CCDC171: variants seen among roughly 807,000 people sequenced by gnomAD.
CCDC171 encodes coiled-coil domain containing 171, also known as coiled-coil domain-containing protein 171.
In CCDC171, 177 loss-of-function variants were observed where a neutral mutation model predicts 168.2. The ratio of observed to expected loss-of-function variants is 1.05; its 90% CI spans 0.93 to 1.19. The LOEUF (loss-of-function observed/expected upper bound fraction) is 1.19. Among genes scored for constraint, CCDC171 ranks in the 50% most tolerant of loss-of-function variants. CCDC171 has a pLI of 0.00. For synonymous variants in CCDC171, 687 were observed against 540.8 expected (o/e 1.27, Z -3.75); for missense variants, 1,991 against 1,539.0 (o/e 1.29, Z -4.91).
intron 24 of CCDC171, among the ~76,000 whole-genome samples, chr9:15,896,034 C>A (rs992993882): frequency 8.6e-5 from 13 of 151,898 alleles, no homozygotes; most frequent in Admixed American, 2.6e-4. Flanking sequence ...ATTTTGATGA[C>A]CTCTTTTCCA....
chr9:16,058,799 A>T (rs1471142029), intron 1 of CCDC171, among the ~76,000 whole-genome samples: 2 of 152,238 alleles, frequency 1.3e-5, no homozygotes, highest in African/African-American at 2.4e-5. Context: ...ATTTCCCTCA[A>T]GTAATGAGAA....
chr9:15,960,738 C>T (rs548801675), intron 25 of CCDC171, among the ~76,000 whole-genome samples: 2 of 152,184 alleles, frequency 1.3e-5, no homozygotes, highest in African/African-American at 4.8e-5. Context: ...CAGATATGAC[C>T]CCCAGATCAC....
At chr9:15,626,668 T>C (rs1027455376) in intron 7 of CCDC171, among the ~76,000 whole-genome samples, 4 of 152,196 alleles carry the variant, frequency 2.6e-5, no homozygotes, top group Non-Finnish European at 5.9e-5. Context: ...TGAAGCCCAC[T>C]TGATCATGGT....
chr9:15,636,430 C>G (rs538526770), intron 7 of CCDC171, among the ~76,000 whole-genome samples: 2 of 152,086 alleles, frequency 1.3e-5, no homozygotes, highest in East Asian at 1.9e-4. Flanking sequence ...ATTTTTAATA[C>G]TATGGTTTGT....
chr9:15,895,538 G>C (rs1820790519), intron 24 of CCDC171, among the ~76,000 whole-genome samples: 1 of 152,156 alleles, frequency 6.6e-6, no homozygotes, highest in South Asian at 2.1e-4. Context: ...ACCATACTCT[G>C]TCTTATCTAT....
At chr9:15,829,648 G>A (rs2060149610) in intron 21 of CCDC171, among the ~76,000 whole-genome samples, 1 of 152,144 alleles carries the variant, frequency 6.6e-6, no homozygotes, top group Non-Finnish European at 1.5e-5. Flanking sequence ...GGCTGGGCAT[G>A]GTGGCTCACA....
In CCDC171 at chr9:15,973,987, A is replaced by G. The variant is rs1831547062; in HGVS notation, c.*2151A>G. Reference sequence around the variant, plus strand: ...GCCTTGGTCTTCTTGCCTTGATTTTATAATCTGTTAATGGGATAACTCCAA... The same window carrying G: ...GCCTTGGTCTTCTTGCCTTGATTTTGTAATCTGTTAATGGGATAACTCCAA... On this transcript the variant is annotated 3_prime_UTR_variant, in exon 26 of 26. Coordinates refer to ENST00000380701, the MANE Select transcript of CCDC171 (RefSeq NM_173550.4). The G allele has an allele frequency of 6.6e-6, 1 of 152,146 alleles. No homozygotes were observed. Among genetic ancestry groups the G allele is most frequent in the African/African-American group, 2.4e-5 (1 of 41,428 alleles). 9.4% of individuals were successfully genotyped at this position (152,146 alleles called of 1,614,324 possible).
chr9:15,656,408 G>A (rs1311769114), intron 7 of CCDC171, among the ~76,000 whole-genome samples: 1 of 151,878 alleles, frequency 6.6e-6, no homozygotes, highest in Non-Finnish European at 1.5e-5. Flanking sequence ...AAATGAAAGT[G>A]TGTGTCTCTA....
intron 12 of CCDC171, among the ~76,000 whole-genome samples, chr9:15,722,568 A>C (rs2053552486): frequency 6.6e-6 from 1 of 152,266 alleles, no homozygotes; most frequent in South Asian, 2.1e-4. Flanking sequence ...AATTACATTA[A>C]ATACAATTAG....
rs764229341 is a variant in CCDC171, at chr9:15,800,662, C to T, written c.3267+15968C>T. Among the ~76,000 whole-genome samples, 18 of 151,820 alleles carry T rather than the reference C, an allele frequency of 1.2e-4. No individual in the cohort carries two copies. In the South Asian group the frequency reaches 1.7e-3, roughly 14 times the overall value. ...TTTTCTTTGGTTATCTGTGCTTGTG[C>T]GATATTTCTTAAGAATTTTTTGCCC... On this transcript the variant is annotated intron_variant, in intron 21 of 25. Transcript: ENST00000380701.
chr9:15,845,483 C>T (rs1383759658), intron 21 of CCDC171, among the ~76,000 whole-genome samples: 1 of 152,038 alleles, frequency 6.6e-6, no homozygotes, highest in Admixed American at 6.6e-5. Context: ...TGCAGTTCAC[C>T]AGCATTTAGA....
rs1418908773 is a variant in CCDC171 at position 15,578,855 on chromosome 9, A to G, written c.184A>G (p.Ser62Gly). ...ITTKHNAELA[S>G]YESQIAKLRS... Reference sequence around the variant, plus strand: ...ATCAGGAATCTGTTTTTAGCTGGCAAGCTATGAGAGCCAGATTGCCAAGCT... The same window carrying G: ...ATCAGGAATCTGTTTTTAGCTGGCAGGCTATGAGAGCCAGATTGCCAAGCT... Residue 62 changes from serine (S) to glycine (G), a missense_variant, in exon 4 of 26, where the codon AGC becomes GGC. Physicochemically the swap from Ser to Gly is moderately conservative, Grantham distance 56 (BLOSUM62 0). Coordinates refer to ENST00000380701, the MANE Select transcript of CCDC171 (RefSeq NM_173550.4). 6.2e-7 allele frequency: 1 copy of G among 1,612,330 alleles called. No homozygotes were observed. Among genetic ancestry groups the G allele is most frequent in the African/African-American group, 1.3e-5 (1 of 74,948 alleles).
intron 9 of CCDC171, among the ~76,000 whole-genome samples, chr9:15,669,500 T>C (rs1324366869): frequency 1.3e-5 from 2 of 152,166 alleles, no homozygotes; most frequent in East Asian, 1.9e-4. Context: ...TTTTTAGTTA[T>C]TTTGAAATAT....
intron 6 of CCDC171, among the ~76,000 whole-genome samples, chr9:15,622,565 A>G (rs2044591291): frequency 1.3e-5 from 2 of 152,208 alleles, no homozygotes; most frequent in Admixed American, 6.5e-5. Context: ...TAAAGGCCTT[A>G]AATGACAACA....
intron 23 of CCDC171, among the ~76,000 whole-genome samples, chr9:15,871,093 G>C (rs2062019395): frequency 6.6e-6 from 1 of 151,482 alleles, no homozygotes; most frequent in Non-Finnish European, 1.5e-5. Context: ...AAAGTAAACT[G>C]TTCTTTCTAA....
At chr9:15,584,924 C>T (rs73410286) in intron 4 of CCDC171, among the ~76,000 whole-genome samples, 6,865 of 152,194 alleles carry the variant, frequency 0.045, 327 homozygotes, top group South Asian at 0.12. Context: ...GTTACTTGCT[C>T]AGAGTCAAAC....
chr9:15,637,075 G>T (rs1194129729), intron 7 of CCDC171, among the ~76,000 whole-genome samples: 1 of 151,994 alleles, frequency 6.6e-6, no homozygotes, highest in South Asian at 2.1e-4. Flanking sequence ...GGCCAACATG[G>T]TGAAACCCCA....
chr9:15,639,064 A>G (rs1172267158), intron 7 of CCDC171, among the ~76,000 whole-genome samples: 3 of 152,072 alleles, frequency 2.0e-5, no homozygotes, highest in African/African-American at 4.8e-5. Flanking sequence ...TAGTAACATA[A>G]AAAAGGGTAA....
At chr9:15,783,440 T>C (rs2057769750) in intron 20 of CCDC171, among the ~76,000 whole-genome samples, 1 of 152,240 alleles carries the variant, frequency 6.6e-6, no homozygotes, top group Non-Finnish European at 1.5e-5. Context: ...GCTTTATATT[T>C]GTGGCGAATG....
Sources: allele counts gnomAD v4.1 joint callset (sites outside exome capture counted in the v4.1 genomes callset), GRCh38; gene constraint gnomAD v4.1.1; transcripts MANE v1.5; gene names NCBI Gene and HGNC (gene_info 2026-07-23, HGNC 2026-07-21).